Variants in LUZP2 observed in about 807,000 individuals in gnomAD.
The protein encoded by LUZP2 is leucine zipper protein 2.
In LUZP2, 52 loss-of-function variants were observed where a neutral mutation model predicts 51.6. The ratio of observed to expected loss-of-function variants is 1.01; its 90% confidence interval spans 0.81 to 1.27. The LOEUF (loss-of-function observed/expected upper bound fraction) is 1.27. LUZP2 is among the 50% of genes most tolerant of loss of function. The pLI is 0.00. For missense variants in LUZP2, 436 were observed against 395.4 expected (o/e 1.10, Z -0.87); for synonymous variants, 154 against 137.3 (o/e 1.12, Z -0.85).
intron 7 of LUZP2, among the ~76,000 whole-genome samples, chr11:24,970,559 A>G (rs978324573): frequency 6.6e-6 from 1 of 152,196 alleles, no homozygotes; most frequent in Non-Finnish European, 1.5e-5. Flanking sequence ...CGTATGACTG[A>G]TGAGTCAGAA....
intron 1 of LUZP2, among the ~76,000 whole-genome samples, chr11:24,551,130 G>A (rs1052700295): frequency 6.6e-6 from 1 of 151,836 alleles, no homozygotes; most frequent in Non-Finnish European, 1.5e-5. Context: ...AGTTTTTTAA[G>A]CCTATGTTTG....
intron 7 of LUZP2, among the ~76,000 whole-genome samples, chr11:24,914,834 AC>A (rs1853745666): frequency 6.6e-6 from 1 of 152,174 alleles, no homozygotes; most frequent in Non-Finnish European, 1.5e-5. Context: ...TGAGAGACTT[AC>A]GCAAAGGTAG....
chr11:24,828,890 G>A (rs1371428360), intron 5 of LUZP2, among the ~76,000 whole-genome samples: 3 of 152,326 alleles, frequency 2.0e-5, no homozygotes, highest in East Asian at 1.9e-4. Context: ...ACAGGCAGGA[G>A]AGAAATGGAA....
intron 10 of LUZP2, among the ~76,000 whole-genome samples, chr11:25,073,087 T>G (rs2134057596): frequency 6.6e-6 from 1 of 152,248 alleles, no homozygotes; most frequent in Admixed American, 6.5e-5. Flanking sequence ...ACAGTTACAG[T>G]GGCTCAAAAG....
intron 9 of LUZP2, among the ~76,000 whole-genome samples, chr11:25,041,906 C>T (rs1171049536): frequency 6.6e-6 from 1 of 152,130 alleles, no homozygotes; most frequent in Admixed American, 6.6e-5. Context: ...AGGGGAACCC[C>T]TATTGTGAAC....
intron 1 of LUZP2, among the ~76,000 whole-genome samples, chr11:24,609,453 C>T (rs368951048): frequency 7.9e-5 from 12 of 152,072 alleles, no homozygotes; most frequent in South Asian, 2.1e-4. Flanking sequence ...AAGGCTGGGG[C>T]GGTGGCTCAC....
At chr11:24,776,590 T>C (rs1238774378) in intron 5 of LUZP2, among the ~76,000 whole-genome samples, 1 of 152,164 alleles carries the variant, frequency 6.6e-6, no homozygotes, top group Non-Finnish European at 1.5e-5. Flanking sequence ...GCAGTAATAA[T>C]GTAATCATTG....
intron 5 of LUZP2, among the ~76,000 whole-genome samples, chr11:24,883,472 T>TA (rs1198599812): frequency 3.9e-5 from 6 of 151,982 alleles, no homozygotes; most frequent in Non-Finnish European, 7.4e-5. Context: ...GATGCTGGGA[T>TA]AAAAAATAAC....
At chr11:24,803,592 C>T (rs1174146543) in intron 5 of LUZP2, among the ~76,000 whole-genome samples, 1 of 151,972 alleles carries the variant, frequency 6.6e-6, no homozygotes, top group African/African-American at 2.4e-5. Context: ...TGTCCATTGA[C>T]AGATGAATAG....
chr11:24,832,762 A>G (rs1194408939), intron 5 of LUZP2, among the ~76,000 whole-genome samples: 2 of 152,056 alleles, frequency 1.3e-5, no homozygotes, highest in Non-Finnish European at 2.9e-5. Context: ...CAAAATGTTC[A>G]CAATAATATT....
intron 1 of LUZP2, among the ~76,000 whole-genome samples, chr11:24,517,171 C>T (rs1850491242): frequency 6.6e-6 from 1 of 151,938 alleles, no homozygotes; most frequent in Non-Finnish European, 1.5e-5. Context: ...GTCCAAAAAA[C>T]TATTGCTAAA....
At chr11:24,516,540 T>C (rs1000817452) in intron 1 of LUZP2, among the ~76,000 whole-genome samples, 3 of 152,192 alleles carry the variant, frequency 2.0e-5, no homozygotes, top group Non-Finnish European at 2.9e-5. Context: ...AACATTTTAA[T>C]TGGTTAAAGT....
intron 1 of LUZP2, among the ~76,000 whole-genome samples, chr11:24,591,127 A>C (rs1853244519): frequency 6.6e-6 from 1 of 152,240 alleles, no homozygotes; most frequent in South Asian, 2.1e-4. Flanking sequence ...TAGTAATAAT[A>C]AAATGTTTTT....
At chr11:24,889,012 C>G (rs572675841) in intron 5 of LUZP2, among the ~76,000 whole-genome samples, 1 of 152,234 alleles carries the variant, frequency 6.6e-6, no homozygotes, top group African/African-American at 2.4e-5. Flanking sequence ...CAGTCTCAGA[C>G]AGTTCTTTAT....
chr11:24,616,733 G>A lies in LUZP2; in HGVS notation c.63-112436G>A, dbSNP rs115919015. On this transcript the variant is annotated intron_variant, in intron 1 of 11. Coordinates refer to ENST00000336930, the MANE Select transcript of LUZP2 (RefSeq NM_001009909.4). ...GTATATTAAGTCTGGAAATCTGGTA[G>A]ACTGATACCTCTGACCTTATTCTTC... Among the ~76,000 whole-genome samples, 682 of 152,258 alleles carry A rather than the reference G, an allele frequency of 4.5e-3. 6 individuals carry two copies. Among genetic ancestry groups the A allele is most frequent in the African/African-American group, 0.014 (586 of 41,544 alleles).
intron 1 of LUZP2, among the ~76,000 whole-genome samples, chr11:24,546,530 A>T (rs1467267612): frequency 2.6e-5 from 4 of 152,076 alleles, no homozygotes; most frequent in Non-Finnish European, 5.9e-5. Context: ...TAACATGATC[A>T]TGTGGGTATT....
chr11:24,861,634 G>T (rs1460197601), intron 5 of LUZP2, among the ~76,000 whole-genome samples: 1 of 152,268 alleles, frequency 6.6e-6, no homozygotes, highest in Admixed American at 6.5e-5. Flanking sequence ...AGAGCAGCTA[G>T]GGGACTGCCC....
intron 1 of LUZP2, among the ~76,000 whole-genome samples, chr11:24,506,820 C>A (rs939903740): frequency 2.0e-5 from 3 of 151,984 alleles, no homozygotes; most frequent in African/African-American, 7.2e-5. Flanking sequence ...ATTGGCCAGA[C>A]CCTAGGTCAT....
intron 7 of LUZP2, among the ~76,000 whole-genome samples, chr11:24,949,888 C>A (rs1160468045): frequency 7.3e-5 from 11 of 151,260 alleles, no homozygotes; most frequent in Non-Finnish European, 1.5e-5. Flanking sequence ...AGCTTTTCTT[C>A]TTTCTTGCCT....
Sources: gnomAD v4.1 joint callset for allele counts (sites outside exome capture counted in the v4.1 genomes callset) on GRCh38, gnomAD v4.1.1 for gene constraint, MANE v1.5 for transcripts, NCBI Gene and HGNC (gene_info 2026-07-23, HGNC 2026-07-21) for gene names.